PPP3CC: variants seen among roughly 807,000 people sequenced by gnomAD.
PPP3CC encodes the protein serine/threonine-protein phosphatase 2B catalytic subunit gamma isoform.
Under a neutral mutation model 60.3 loss-of-function variants are expected in PPP3CC, and 35 were observed. That is an observed-to-expected ratio of 0.58 (90% CI 0.44 to 0.77). The LOEUF is 0.77. Ranked by LOEUF, PPP3CC falls within the 30% of genes least tolerant of loss-of-function variation. PPP3CC has a pLI of 0.00. For missense variants in PPP3CC, 570 were observed against 628.9 expected, an observed-to-expected ratio of 0.91 and a Z score of 1.00; for synonymous variants, 206 against 224.3, an observed-to-expected ratio of 0.92 and a Z score of 0.73.
intron 10 of PPP3CC, chr8:22,531,404 T>G: frequency 7.2e-7 from 1 of 1,382,914 alleles, no homozygotes; most frequent in South Asian, 1.3e-5. Context: ...GACTTAAAAT[T>G]GGTAGTTGAA....
intron 3 of PPP3CC, among the ~76,000 whole-genome samples, chr8:22,479,555 C>A (rs577527961): frequency 2.0e-5 from 3 of 151,620 alleles, no homozygotes; most frequent in African/African-American, 7.3e-5. Flanking sequence ...ACCAGCCTGG[C>A]GAACATGGTG....
At position 22,511,908 on chromosome 8, in the gene PPP3CC, G is replaced by A. The variant is rs143671443; in HGVS notation, c.630+677G>A. ...TAGTCACATTTCTTCTCTATGAAAT[G>A]AGGAAGTTGGAAGGGATGGTCTGAG... On this transcript the variant is annotated intron_variant, in intron 5 of 13. Coordinates refer to ENST00000240139, the MANE Select transcript of PPP3CC (RefSeq NM_005605.5). Among the ~76,000 whole-genome samples, 4 of 152,300 alleles carry A rather than the reference G, an allele frequency of 2.6e-5. 1 individual carries two copies. Among genetic ancestry groups the A allele is most frequent in the African/African-American group, 9.6e-5 (4 of 41,572 alleles).
chr8:22,452,019 G>GTTTT (rs397823337), intron 1 of PPP3CC, among the ~76,000 whole-genome samples: 54,184 of 143,198 alleles, frequency 0.38, 10,910 homozygotes, highest in East Asian at 0.57. Flanking sequence ...GTGCATAATG[G>GTTTT]TTTTTTTTTT....
At chr8:22,457,174 C>A (rs906216083) in intron 1 of PPP3CC, among the ~76,000 whole-genome samples, 22 of 150,056 alleles carry the variant, frequency 1.5e-4, no homozygotes, top group Admixed American at 4.7e-4. Context: ...CAGCATATTA[C>A]ATATATATCT....
chr8:22,533,236 A>G (rs2117150335), intron 12 of PPP3CC, among the ~76,000 whole-genome samples: 1 of 152,358 alleles, frequency 6.6e-6, no homozygotes, highest in South Asian at 2.1e-4. Flanking sequence ...CAGTAAAACA[A>G]GAAGAAAGTA....
intron 3 of PPP3CC, among the ~76,000 whole-genome samples, chr8:22,478,543 A>T (rs1425519685): frequency 2.0e-5 from 3 of 152,244 alleles, no homozygotes; most frequent in Non-Finnish European, 4.4e-5. Flanking sequence ...TTAATTCATT[A>T]ATACATTCAA....
At chr8:22,475,183 C>T in intron 2 of PPP3CC, 32 bp downstream of exon 2, 1 of 1,569,044 alleles carries the variant, frequency 6.4e-7, no homozygotes, top group Non-Finnish European at 8.7e-7. Context: ...TACTTTTTTA[C>T]AGTATAGATT....
At chr8:22,497,334 T>A (rs2132511289) in intron 3 of PPP3CC, among the ~76,000 whole-genome samples, 1 of 151,608 alleles carries the variant, frequency 6.6e-6, no homozygotes, top group African/African-American at 2.4e-5. Flanking sequence ...TGGCCCTATT[T>A]TTTTTTTTTT....
At position 22,522,481 on chromosome 8, in the gene PPP3CC, T is replaced by C; in HGVS notation, c.771-10T>C. The C allele has an allele frequency of 6.3e-7, 1 of 1,588,150 alleles. No homozygotes were observed. Among genetic ancestry groups the C allele is most frequent in the Non-Finnish European group, 8.6e-7 (1 of 1,166,958 alleles). Reference sequence around the variant, plus strand: ...ATTCTGGATTTATGTTTTCTAATTTTCTTTTCCAGTTACCCTGCAGTTTGT... The same window carrying C: ...ATTCTGGATTTATGTTTTCTAATTTCCTTTTCCAGTTACCCTGCAGTTTGT... On this transcript the variant is annotated splice_polypyrimidine_tract_variant and intron_variant, in intron 6 of 13. Coordinates refer to ENST00000240139, the MANE Select transcript of PPP3CC (RefSeq NM_005605.5).
intron 1 of PPP3CC, among the ~76,000 whole-genome samples, chr8:22,442,490 A>G (rs1284459134): frequency 1.3e-5 from 2 of 152,222 alleles, no homozygotes; most frequent in Non-Finnish European, 2.9e-5. Context: ...GGGAGGGGGA[A>G]GAATTTTAGT....
At position 22,527,702 on chromosome 8, in the gene PPP3CC, C is replaced by T. The variant is rs191979079; in HGVS notation, c.1069+185C>T. ...CCAGGCTGGAGTGCAGTGGCACGAT[C>T]TCAGCTAACTACAACCTCCGCCTCC... On this transcript the variant is annotated intron_variant, in intron 9 of 13. Transcript: ENST00000240139. 1.7e-3 allele frequency among the ~76,000 whole-genome samples: 253 copies of T among 151,066 alleles called. 3 individuals carry two copies. The highest frequency in any genetic ancestry group is 0.012 in the Admixed American group (188 of 15,190).
chr8:22,445,782 C>A (rs1429652388), intron 1 of PPP3CC, among the ~76,000 whole-genome samples: 1 of 152,142 alleles, frequency 6.6e-6, no homozygotes, highest in African/African-American at 2.4e-5. Flanking sequence ...AAGTTGATAT[C>A]TCCTGGATTT....
At chr8:22,512,362 C>T (rs1489345087) in intron 5 of PPP3CC, among the ~76,000 whole-genome samples, 1 of 152,154 alleles carries the variant, frequency 6.6e-6, no homozygotes, top group Non-Finnish European at 1.5e-5. Context: ...AGCTCTTTCA[C>T]GCAGTAGAAA....
intron 3 of PPP3CC, among the ~76,000 whole-genome samples, chr8:22,494,643 T>C (rs1195966117): frequency 6.6e-6 from 1 of 152,232 alleles, no homozygotes; most frequent in African/African-American, 2.4e-5. Context: ...AATACAGTGC[T>C]TTTGTGGTCA....
chr8:22,520,824 A>C (rs1490637545), intron 6 of PPP3CC, among the ~76,000 whole-genome samples: 2 of 152,216 alleles, frequency 1.3e-5, no homozygotes, highest in African/African-American at 4.8e-5. Flanking sequence ...CAGTTACTAG[A>C]GGTTTATTAG....
intron 12 of PPP3CC, among the ~76,000 whole-genome samples, chr8:22,534,866 A>T (rs1839810075): frequency 6.6e-6 from 1 of 152,254 alleles, no homozygotes; most frequent in Non-Finnish European, 1.5e-5. Context: ...AGCCAGACAT[A>T]AAAGAGCACA....
rs1837544031 is a variant in PPP3CC at position 22,467,109 on chromosome 8, A to G, written c.50-7845A>G. On this transcript the variant is annotated intron_variant, in intron 1 of 13. Transcript: ENST00000240139. ...CATTGTAAGGGCAAAATATTTAACA[A>G]TAACTGAGATTTCTAAAAATTGCAG... Among the ~76,000 whole-genome samples, 2 of 152,204 alleles carry G rather than the reference A, an allele frequency of 1.3e-5. 1 individual carries two copies. The highest frequency in any genetic ancestry group is 2.9e-5 in the Non-Finnish European group (2 of 68,030).
rs955646487 is a variant in PPP3CC, at chr8:22,540,964, C to A, written c.*162C>A. 2.4e-5 allele frequency: 14 copies of A among 583,512 alleles called. No individual in the cohort carries two copies. Among genetic ancestry groups the A allele is most frequent in the Admixed American group, 2.4e-4 (6 of 25,156 alleles). The allele number at this position is 583,512 out of a possible 1,614,324, so 36.1% of individuals were successfully genotyped here. On this transcript the variant is annotated 3_prime_UTR_variant, in exon 14 of 14. Coordinates refer to ENST00000240139, the MANE Select transcript of PPP3CC (RefSeq NM_005605.5). The stretch of plus-strand genomic sequence containing the variant: ...TAAAAAGGTGGCTGTTTTATAAATT[C>A]TTTTAATTTATGTTCAATATATATA...
chr8:22,457,348 AT>A (rs1177484568), intron 1 of PPP3CC, among the ~76,000 whole-genome samples: 1 of 148,378 alleles, frequency 6.7e-6, no homozygotes, highest in Non-Finnish European at 1.5e-5. Context: ...ATTTTTAAGA[AT>A]TTTTTTTCCA....
Sources: allele counts gnomAD v4.1 joint callset (sites outside exome capture counted in the v4.1 genomes callset), GRCh38; gene constraint gnomAD v4.1.1; transcripts MANE v1.5; gene names NCBI Gene and HGNC (gene_info 2026-07-23, HGNC 2026-07-21).